The following MYO3A variants were observed in gnomAD, a reference collection of about 807,000 sequenced individuals.
The protein encoded by MYO3A is myosin-IIIa.
In MYO3A, 180 loss-of-function variants were observed where a neutral mutation model predicts 192.7. That is an observed-to-expected ratio of 0.93 (90% CI 0.83 to 1.06). The LOEUF (loss-of-function observed/expected upper bound fraction) is 1.06. Among genes scored for constraint, MYO3A ranks in the 50% least tolerant of loss-of-function variants. The probability of loss-of-function intolerance (pLI) is 0.00; values close to 1 mark genes in which losing one functional copy is unlikely to be tolerated. For missense variants in MYO3A, 1,896 were observed against 1,905.0 expected, an observed-to-expected ratio of 1.00 and a Z score of 0.09; for synonymous variants, 628 against 645.3, an observed-to-expected ratio of 0.97 and a Z score of 0.41.
intron 4 of MYO3A, among the ~76,000 whole-genome samples, chr10:25,972,839 G>T (rs970969979): frequency 2.6e-5 from 4 of 152,132 alleles, no homozygotes; most frequent in African/African-American, 4.8e-5. Flanking sequence ...ATTGTCAGCT[G>T]ATTCCTCTGT....
chr10:26,006,632 A>T (rs941573515), intron 6 of MYO3A, among the ~76,000 whole-genome samples: 10 of 152,222 alleles, frequency 6.6e-5, no homozygotes, highest in South Asian at 4.1e-4. Flanking sequence ...AAAATCTAGA[A>T]GAAATGGATA....
rs548697234 is a variant in MYO3A at position 26,054,795 on chromosome 10, T to C, written c.954-12180T>C. 8.5e-5 allele frequency among the ~76,000 whole-genome samples: 13 copies of C among 152,300 alleles called. No individual in the cohort carries two copies. The South Asian group carries it at 2.7e-3, about 32-fold the overall frequency. On this transcript the variant is annotated intron_variant, in intron 10 of 34. Coordinates refer to ENST00000642920, the MANE Select transcript of MYO3A (RefSeq NM_017433.5). Reference sequence around the variant, plus strand: ...CCAGAAACTGGAAAAGGCAAAGCAATGATTCTCCCCTAGAGTCTCCAGAAG... The same window carrying C: ...CCAGAAACTGGAAAAGGCAAAGCAACGATTCTCCCCTAGAGTCTCCAGAAG...
rs561305248 is a variant in MYO3A at position 26,204,570 on chromosome 10, G to A, written c.4730+1463G>A. ...CATTTAATCCTCACAGCAACCGCAC[G>A]AGGCAGTTACTATTATTGCCCCATT... On this transcript the variant is annotated intron_variant, in intron 34 of 34. Coordinates refer to ENST00000642920, the MANE Select transcript of MYO3A (RefSeq NM_017433.5). 2.6e-5 allele frequency: 4 copies of A among 152,300 alleles called. No homozygotes were observed. The South Asian group carries it at 8.3e-4, about 32-fold the overall frequency. The allele number at this position is 152,300 out of a possible 1,614,324, so 9.4% of individuals were successfully genotyped here.
chr10:25,960,717 A>T (rs774832622), intron 4 of MYO3A, among the ~76,000 whole-genome samples: 4 of 152,172 alleles, frequency 2.6e-5, no homozygotes, highest in Non-Finnish European at 4.4e-5. Flanking sequence ...GAGGAGGAAG[A>T]AAAGGAGAGG....
intron 17 of MYO3A, among the ~76,000 whole-genome samples, chr10:26,105,430 A>C (rs889937389): frequency 2.0e-5 from 3 of 151,988 alleles, no homozygotes; most frequent in Non-Finnish European, 4.4e-5. Context: ...TGTTGTTTTA[A>C]ATTTGCGTAT....
At chr10:26,144,056 T>C (rs1346401534) in intron 21 of MYO3A, among the ~76,000 whole-genome samples, 1 of 152,150 alleles carries the variant, frequency 6.6e-6, no homozygotes, top group Non-Finnish European at 1.5e-5. Flanking sequence ...TTACAGTACA[T>C]TAATAAATAT....
At chr10:25,935,430 A>G (rs1265871908) in intron 1 of MYO3A, among the ~76,000 whole-genome samples, 1 of 152,248 alleles carries the variant, frequency 6.6e-6, no homozygotes, top group African/African-American at 2.4e-5. Context: ...AAAACTCAAA[A>G]GAATCTTCAT....
chr10:26,021,835 T>C, intron 8 of MYO3A, 187 bp downstream of exon 8: 1 of 725,712 alleles, frequency 1.4e-6, no homozygotes, highest in Non-Finnish European at 2.3e-6. Context: ...TTCCCTGGTC[T>C]AAGTAAAAGA....
At chr10:26,045,120 A>G (rs1416408344) in intron 10 of MYO3A, among the ~76,000 whole-genome samples, 1 of 152,188 alleles carries the variant, frequency 6.6e-6, no homozygotes, top group African/African-American at 2.4e-5. Flanking sequence ...ACCCAGAGTG[A>G]CTAACAGGGT....
intron 4 of MYO3A, among the ~76,000 whole-genome samples, chr10:25,959,659 T>A (rs1223209439): frequency 6.6e-6 from 1 of 152,112 alleles, no homozygotes; most frequent in Admixed American, 6.6e-5. Flanking sequence ...CTTGGCCTCC[T>A]CTTTTCAAGT....
chr10:26,179,963 A>G (rs1436545140), intron 31 of MYO3A, among the ~76,000 whole-genome samples: 1 of 152,010 alleles, frequency 6.6e-6, no homozygotes, highest in Non-Finnish European at 1.5e-5. Flanking sequence ...CCTCCCGAGT[A>G]GCTGGGACTA....
At chr10:25,987,024 C>T (rs10828921) in intron 4 of MYO3A, among the ~76,000 whole-genome samples, 14,591 of 152,106 alleles carry the variant, frequency 0.096, 1,245 homozygotes, top group African/African-American at 0.22. Flanking sequence ...CATAGACCAA[C>T]GGAACAGAAG....
At chr10:26,115,398 A>C (rs139611368) in intron 17 of MYO3A, among the ~76,000 whole-genome samples, 216 of 152,326 alleles carry the variant, frequency 1.4e-3, no homozygotes, top group Non-Finnish European at 2.3e-3. Context: ...TTAATATCCA[A>C]AGAAGGCATG....
At chr10:26,097,504 T>G (rs1452268695) in intron 17 of MYO3A, among the ~76,000 whole-genome samples, 1 of 152,148 alleles carries the variant, frequency 6.6e-6, no homozygotes, top group Non-Finnish European at 1.5e-5. Flanking sequence ...GTCATTTACA[T>G]TAGGTATATC....
intron 10 of MYO3A, among the ~76,000 whole-genome samples, chr10:26,037,861 C>G (rs1452057326): frequency 6.6e-6 from 1 of 152,140 alleles, no homozygotes; most frequent in African/African-American, 2.4e-5. Context: ...AACCAGATCT[C>G]ATGACAACAG....
At chr10:26,146,045 G>C (rs1167262978) in intron 22 of MYO3A, among the ~76,000 whole-genome samples, 2 of 152,132 alleles carry the variant, frequency 1.3e-5, no homozygotes, top group African/African-American at 2.4e-5. Context: ...AAGAAGAGAA[G>C]GTGCCAGGCT....
At position 26,125,526 on chromosome 10, in the gene MYO3A, A is replaced by G. The variant is rs377435493; in HGVS notation, c.2032A>G (p.Met678Val). The G allele has an allele frequency of 3.1e-6, 5 of 1,613,972 alleles. No individual in the cohort carries two copies. The highest frequency in any genetic ancestry group is 4.2e-6 in the Non-Finnish European group (5 of 1,179,936). Reference sequence around the variant, plus strand: ...AAAAGCTACCGATGTCAGGGATGCCATGGCTAAAACTTTATATGGACGTCT... The same window carrying G: ...AAAAGCTACCGATGTCAGGGATGCCGTGGCTAAAACTTTATATGGACGTCT... ...VEKATDVRDA[M>V]AKTLYGRLFS... Residue 678 changes from methionine (M) to valine (V), a missense_variant, in exon 19 of 35, where the codon ATG becomes GTG. Met to Val is a conservative substitution (Grantham distance 21). Coordinates refer to ENST00000642920, the MANE Select transcript of MYO3A (RefSeq NM_017433.5).
In MYO3A at chr10:26,201,689, C is replaced by CAA. The variant is rs34428324; in HGVS notation, c.4586+400_4586+401dup. On this transcript the variant is annotated intron_variant, in intron 33 of 34. Transcript: ENST00000642920. The stretch of plus-strand genomic sequence containing the variant: ...CAGTCGACTGGGCGAGACTCCGTCT[C>CAA]AAAAAAAAAAAAAAAAATCACCTAT... Among the ~76,000 whole-genome samples the CAA allele has an allele frequency of 3.7e-3, 301 of 81,646 alleles. 1 individual carries two copies. Among genetic ancestry groups the CAA allele is most frequent in the African/African-American group, 0.012 (264 of 21,136 alleles). The allele number at this position is 81,646 out of a possible 152,430, so 53.6% of individuals were successfully genotyped here. A position where few individuals can be genotyped will look rare whatever the true frequency, so the allele number is the denominator to read the frequency against.
At position 25,981,411 on chromosome 10, in the gene MYO3A, T is replaced by G. The variant is rs1327370530; in HGVS notation, c.304-15079T>G. Among the ~76,000 whole-genome samples the G allele has an allele frequency of 3.9e-5, 6 of 152,104 alleles. No homozygotes were observed. The East Asian group carries it at 7.7e-4, about 20-fold the overall frequency. ...ACTTTGAATTAGGAAAAAAAAAATT[T>G]AGACACAAAAAGGCACATTTTATGA... is the stretch of plus-strand genomic sequence containing the variant. On this transcript the variant is annotated intron_variant, in intron 4 of 34. Transcript: ENST00000642920.
Sources: allele counts gnomAD v4.1 joint callset (sites outside exome capture counted in the v4.1 genomes callset), GRCh38; gene constraint gnomAD v4.1.1; transcripts MANE v1.5; gene names NCBI Gene and HGNC (gene_info 2026-07-23, HGNC 2026-07-21).